The following RNF216 variants were observed in gnomAD, a reference collection of about 807,000 sequenced individuals.
The protein encoded by RNF216 is E3 ubiquitin-protein ligase RNF216.
A neutral mutation model predicts 110.8 loss-of-function variants in RNF216; 72 were observed. The observed-to-expected ratio is 0.65, with a 90% CI of 0.54 to 0.79. The LOEUF is 0.79. Ranked by LOEUF, RNF216 falls within the 30% of genes least tolerant of loss-of-function variation. The pLI, the probability that RNF216 is intolerant of heterozygous loss-of-function variation, is 0.00. For synonymous variants in RNF216, 495 were observed against 407.5 expected (o/e 1.21, Z -2.59); for missense variants, 1,342 against 1,141.2 (o/e 1.18, Z -2.54).
chr7:5,685,301 C>G (rs1355361035), intron 13 of RNF216, among the ~76,000 whole-genome samples: 2 of 152,166 alleles, frequency 1.3e-5, no homozygotes, highest in African/African-American at 2.4e-5. Flanking sequence ...TCTCCTCCAT[C>G]TTCAGAATTC....
At position 5,649,330 on chromosome 7, in the gene RNF216, C is replaced by T. The variant is rs562384645; in HGVS notation, c.2159+3083G>A. Among the ~76,000 whole-genome samples, 24 of 151,510 alleles carry T rather than the reference C, an allele frequency of 1.6e-4. No individual in the cohort carries two copies. In the South Asian group the frequency reaches 4.4e-3, roughly 28 times the overall value. ...TCGCTTGAACCTGGGAGGCGGAGGT[C>T]GCAATGACCCGAGGCACTCTAACCT... On this transcript the variant is annotated intron_variant, in intron 14 of 16. Transcript: ENST00000389902.
chr7:5,685,334 T>C (rs1790908958), intron 13 of RNF216, among the ~76,000 whole-genome samples: 1 of 152,196 alleles, frequency 6.6e-6, no homozygotes, highest in Non-Finnish European at 1.5e-5. Flanking sequence ...GTGATTAATG[T>C]CAGGAGGCCC....
At chr7:5,776,467 C>T (rs1365937826) in intron 1 of RNF216, among the ~76,000 whole-genome samples, 1 of 150,184 alleles carries the variant, frequency 6.7e-6, no homozygotes, top group African/African-American at 2.4e-5. Context: ...TGGTGGCGGG[C>T]GCCTGTAGTC....
Position 5,622,694 on chromosome 7 carries a change from C to G in RNF216, c.*166G>C, listed in dbSNP as rs931522288. 3 of 687,244 alleles carry G rather than the reference C, an allele frequency of 4.4e-6. No homozygotes were observed. Among genetic ancestry groups the G allele is most frequent in the Non-Finnish European group, 7.4e-6 (3 of 407,096 alleles). The allele number at this position is 687,244 out of a possible 1,614,324, so 42.6% of individuals were successfully genotyped here. On this transcript the variant is annotated 3_prime_UTR_variant, in exon 17 of 17. Transcript: ENST00000389902. ...CGTCTTTATTATGGATCCGTCCACT[C>G]TTCCAGGAGCAGTAGCCCTTCTAGG...
At chr7:5,775,826 G>A (rs967976115) in intron 1 of RNF216, among the ~76,000 whole-genome samples, 3 of 150,900 alleles carry the variant, frequency 2.0e-5, no homozygotes, top group African/African-American at 7.3e-5. Context: ...CCTAGAATGC[G>A]CCACTGCACT....
chr7:5,779,441 A>G (rs1448631335), intron 1 of RNF216, among the ~76,000 whole-genome samples: 1 of 152,082 alleles, frequency 6.6e-6, no homozygotes, highest in African/African-American at 2.4e-5. Flanking sequence ...TGAAATACAA[A>G]ACCAAGGCAA....
At chr7:5,716,037 A>G (rs910450842) in intron 10 of RNF216, among the ~76,000 whole-genome samples, 3 of 152,034 alleles carry the variant, frequency 2.0e-5, no homozygotes, top group African/African-American at 7.2e-5. Flanking sequence ...CACTGCATCC[A>G]GCCCCATTCT....
At chr7:5,653,457 T>C (rs966955076) in intron 13 of RNF216, among the ~76,000 whole-genome samples, 5 of 150,914 alleles carry the variant, frequency 3.3e-5, no homozygotes, top group Non-Finnish European at 7.4e-5. Flanking sequence ...AAAAATTAGC[T>C]GGGCGTGGTG....
At chr7:5,734,689 T>C (rs912336705) in intron 5 of RNF216, among the ~76,000 whole-genome samples, 2 of 151,044 alleles carry the variant, frequency 1.3e-5, no homozygotes, top group African/African-American at 4.9e-5. Flanking sequence ...CCAGGTGAGG[T>C]AACACATGCC....
chr7:5,661,935 G>A (rs1365418238), intron 13 of RNF216, among the ~76,000 whole-genome samples: 1 of 152,252 alleles, frequency 6.6e-6, no homozygotes, highest in Non-Finnish European at 1.5e-5. Flanking sequence ...TAGTCCCACT[G>A]TGTGCCCACA....
intron 1 of RNF216, among the ~76,000 whole-genome samples, chr7:5,776,281 C>G (rs1796768492): frequency 6.6e-6 from 1 of 151,972 alleles, no homozygotes; most frequent in African/African-American, 2.4e-5. Context: ...AATAAAGTCA[C>G]TAGTGTAATA....
intron 15 of RNF216, among the ~76,000 whole-genome samples, chr7:5,625,562 A>C (rs1189102429): frequency 6.6e-6 from 1 of 152,236 alleles, no homozygotes; most frequent in Admixed American, 6.5e-5. Context: ...AGGTTTACTT[A>C]CTAGGTTATT....
At chr7:5,660,710 T>C (rs1454303768) in intron 13 of RNF216, among the ~76,000 whole-genome samples, 1 of 152,034 alleles carries the variant, frequency 6.6e-6, no homozygotes, top group Non-Finnish European at 1.5e-5. Context: ...CCCAAGTAGC[T>C]GGGACCACAG....
At chr7:5,641,519 T>C (rs1455217418) in intron 14 of RNF216, 143 bp from the exon 15 acceptor site, 2 of 692,378 alleles carry the variant, frequency 2.9e-6, no homozygotes, top group Non-Finnish European at 4.8e-6. Context: ...GCCTAGGTTT[T>C]GGAGTCTGAG....
chr7:5,677,693 G>A (rs1790392085), intron 13 of RNF216, among the ~76,000 whole-genome samples: 3 of 152,148 alleles, frequency 2.0e-5, no homozygotes, highest in Admixed American at 6.5e-5. Context: ...TCCCCTTCCA[G>A]TCCTGGCCTG....
chr7:5,780,446 T>G (rs922816072), intron 1 of RNF216, among the ~76,000 whole-genome samples: 1 of 152,082 alleles, frequency 6.6e-6, no homozygotes, highest in Non-Finnish European at 1.5e-5. Context: ...GAAAAGACTG[T>G]AGCACTTTGG....
At chr7:5,724,828 T>C (rs1051338660) in intron 8 of RNF216, among the ~76,000 whole-genome samples, 7 of 152,182 alleles carry the variant, frequency 4.6e-5, no homozygotes, top group Admixed American at 4.6e-4. Flanking sequence ...GTTTACATTT[T>C]TGGGGATCAG....
At chr7:5,700,746 C>T (rs1219748623) in intron 13 of RNF216, among the ~76,000 whole-genome samples, 1 of 152,138 alleles carries the variant, frequency 6.6e-6, no homozygotes, top group African/African-American at 2.4e-5. Context: ...AACAAAGAGA[C>T]AAGTAGGTGT....
At chr7:5,632,936 A>G (rs1346350944) in intron 15 of RNF216, among the ~76,000 whole-genome samples, 1 of 152,172 alleles carries the variant, frequency 6.6e-6, no homozygotes, top group Non-Finnish European at 1.5e-5. Context: ...GGGTCAAAGC[A>G]GAGAGTGAAA....
Sources: allele counts gnomAD v4.1 joint callset (sites outside exome capture counted in the v4.1 genomes callset), GRCh38; gene constraint gnomAD v4.1.1; transcripts MANE v1.5; gene names NCBI Gene and HGNC (gene_info 2026-07-23, HGNC 2026-07-21).